The following SLC2A13 variants were observed in gnomAD, a reference collection of about 807,000 sequenced individuals.
SLC2A13 encodes solute carrier family 2 member 13.
A neutral mutation model predicts 64.4 loss-of-function variants in SLC2A13; 32 were observed. The observed-to-expected ratio is 0.50, with a 90% CI of 0.37 to 0.67. SLC2A13 has a LOEUF of 0.67. Ranked by LOEUF, SLC2A13 falls within the 30% of genes least tolerant of loss-of-function variation. The probability of loss-of-function intolerance (pLI) is 0.00; values close to 1 mark genes in which losing one functional copy is unlikely to be tolerated. For missense variants in SLC2A13, 743 were observed against 829.2 expected (o/e 0.90, Z 1.28); for synonymous variants, 338 against 327.1 (o/e 1.03, Z -0.36).
chr12:39,872,007 G>A (rs769462182), intron 4 of SLC2A13, 46 bp from the exon 5 acceptor site: 2 of 1,431,848 alleles, frequency 1.4e-6, no homozygotes, highest in Admixed American at 2.5e-5. Flanking sequence ...GTTACCCAAA[G>A]AAACAGGGTT....
At chr12:39,845,279 T>A (rs1040582611) in intron 6 of SLC2A13, among the ~76,000 whole-genome samples, 3 of 152,108 alleles carry the variant, frequency 2.0e-5, no homozygotes, top group Non-Finnish European at 4.4e-5. Context: ...GGGACCCATT[T>A]GTGCTATTTT....
intron 6 of SLC2A13, among the ~76,000 whole-genome samples, chr12:39,845,413 TATC>T (rs1405417774): frequency 1.3e-5 from 2 of 152,126 alleles, no homozygotes; most frequent in South Asian, 2.1e-4. Context: ...GCATTAGGCT[TATC>T]ATATTATAAG....
At chr12:40,027,453 C>A (rs1565595755) in intron 3 of SLC2A13, among the ~76,000 whole-genome samples, 1 of 152,218 alleles carries the variant, frequency 6.6e-6, no homozygotes, top group Non-Finnish European at 1.5e-5. Context: ...ACACAGAGAC[C>A]AGCTTCTTCA....
At chr12:39,964,215 C>A (rs1565564905) in intron 3 of SLC2A13, among the ~76,000 whole-genome samples, 1 of 152,306 alleles carries the variant, frequency 6.6e-6, no homozygotes, top group East Asian at 1.9e-4. Flanking sequence ...CCTCCCTCAA[C>A]TCTCTTTTTC....
At chr12:40,072,548 C>T (rs1395853005) in intron 1 of SLC2A13, among the ~76,000 whole-genome samples, 1 of 152,018 alleles carries the variant, frequency 6.6e-6, no homozygotes, top group East Asian at 1.9e-4. Context: ...CCAGTATTTG[C>T]ATTGAGAATT....
chr12:39,800,317 A>G (rs58345522), intron 7 of SLC2A13, among the ~76,000 whole-genome samples: 4 of 152,332 alleles, frequency 2.6e-5, no homozygotes, highest in African/African-American at 9.6e-5. Flanking sequence ...AGGTATTTCC[A>G]AGGGGGGATT....
intron 3 of SLC2A13, among the ~76,000 whole-genome samples, chr12:40,001,731 A>C (rs1947324394): frequency 6.6e-6 from 1 of 152,240 alleles, no homozygotes; most frequent in African/African-American, 2.4e-5. Context: ...ACTGGGATGT[A>C]AAAGTCTATA....
At position 39,764,817 on chromosome 12, in the gene SLC2A13, C is replaced by A. The variant is rs1940289712; in HGVS notation, c.1487G>T (p.Trp496Leu). 1 of 1,612,250 alleles carries A rather than the reference C, an allele frequency of 6.2e-7. No homozygotes were observed. The highest frequency in any genetic ancestry group is 1.1e-5 in the South Asian group (1 of 91,008). ...TGGAGTAGGGCAGAAATTGTAAGCC[C>A]AAAATATATCTTCTGTTTTGAACTT... ...ETKFKTEDIF[W>L]AYNFCPTPYS... The change falls in exon 8 of 10, where the codon TGG becomes TTG. Residue 496 changes from tryptophan to leucine, a missense_variant. Transcript: ENST00000280871.
intron 1 of SLC2A13, among the ~76,000 whole-genome samples, chr12:40,067,983 A>C (rs1456146200): frequency 6.6e-6 from 1 of 152,116 alleles, no homozygotes; most frequent in Non-Finnish European, 1.5e-5. Context: ...GACTCACTGC[A>C]GCCTCGATTT....
chr12:39,965,236 C>T (rs933851437), intron 3 of SLC2A13, among the ~76,000 whole-genome samples: 1 of 151,966 alleles, frequency 6.6e-6, no homozygotes, highest in African/African-American at 2.4e-5. Context: ...GGTAACTAAA[C>T]ACTCCCTTAT....
chr12:39,963,243 C>T (rs994641232), intron 3 of SLC2A13, among the ~76,000 whole-genome samples: 8 of 141,658 alleles, frequency 5.6e-5, no homozygotes, highest in Non-Finnish European at 9.0e-5. Context: ...GCCGAGATCA[C>T]GGCACTGCAC....
At chr12:40,033,994 A>G (rs1947941215) in intron 2 of SLC2A13, among the ~76,000 whole-genome samples, 1 of 151,998 alleles carries the variant, frequency 6.6e-6, no homozygotes, top group Non-Finnish European at 1.5e-5. Flanking sequence ...CTTCTCCCCT[A>G]TGTTCCTGTT....
chr12:39,918,143 T>A (rs1263857565), intron 4 of SLC2A13, among the ~76,000 whole-genome samples: 1 of 152,076 alleles, frequency 6.6e-6, no homozygotes, highest in African/African-American at 2.4e-5. Flanking sequence ...TTATAAGGCA[T>A]TCTTCCCAAA....
intron 4 of SLC2A13, among the ~76,000 whole-genome samples, chr12:39,895,925 T>TGTATATGTGTATATATACATGC (rs1349347598): frequency 1.5e-5 from 2 of 137,240 alleles, no homozygotes; most frequent in South Asian, 2.2e-4. Flanking sequence ...TGCATATATG[T>TGTATATGTGTATATATACATGC]GTATATGTGT....
intron 4 of SLC2A13, among the ~76,000 whole-genome samples, chr12:39,909,437 C>T (rs10877767): frequency 0.18 from 27,498 of 151,962 alleles, 2,718 homozygotes; most frequent in Non-Finnish European, 0.23. Flanking sequence ...GGATTTGGTG[C>T]TCTTTGTTTT....
chr12:39,957,462 A>G (rs1290748926), intron 3 of SLC2A13, among the ~76,000 whole-genome samples: 1 of 152,130 alleles, frequency 6.6e-6, no homozygotes, highest in African/African-American at 2.4e-5. Context: ...TACGACTGCA[A>G]TTCCTCCATT....
At position 39,919,975 on chromosome 12, in the gene SLC2A13, A is replaced by G. The variant is rs536143966; in HGVS notation, c.1034+31282T>C. 3.3e-5 allele frequency among the ~76,000 whole-genome samples: 5 copies of G among 152,042 alleles called. No homozygotes were observed. In the South Asian group the frequency reaches 1.0e-3, roughly 32 times the overall value. ...CTTGGCACACCTTGATACACTTATT[A>G]TCTCTGAGTAATATTTTAATCAGCT... On this transcript the variant is annotated intron_variant, in intron 4 of 9. Coordinates refer to ENST00000280871, the MANE Select transcript of SLC2A13 (RefSeq NM_052885.4).
intron 6 of SLC2A13, among the ~76,000 whole-genome samples, chr12:39,852,003 T>C (rs186302294): frequency 4.9e-4 from 74 of 152,322 alleles, no homozygotes; most frequent in African/African-American, 1.7e-3. Context: ...CAATGCAATG[T>C]TGGAAAATGT....
intron 7 of SLC2A13, among the ~76,000 whole-genome samples, chr12:39,826,864 T>TTTTTTTTTTTTTTTTC (rs908001616): frequency 7.0e-6 from 1 of 143,508 alleles, no homozygotes; most frequent in Non-Finnish European, 1.5e-5. Flanking sequence ...ATTTTTTTTT[T>TTTTTTTTTTTTTTTTC]TTTTTTTTGC....
Sources: allele counts gnomAD v4.1 joint callset (sites outside exome capture counted in the v4.1 genomes callset), GRCh38; gene constraint gnomAD v4.1.1; transcripts MANE v1.5; gene names NCBI Gene and HGNC (gene_info 2026-07-23, HGNC 2026-07-21).